POU6F2: variants seen among roughly 807,000 people sequenced by gnomAD.
The protein encoded by POU6F2 is POU class 6 homeobox 2.
In POU6F2, 31 loss-of-function variants were observed where a neutral mutation model predicts 71.3. The ratio of observed to expected loss-of-function variants is 0.43; its 90% CI spans 0.33 to 0.59. POU6F2 has a LOEUF of 0.59. Among genes scored for constraint, POU6F2 ranks in the 20% least tolerant of loss-of-function variants. The pLI is 0.04. For missense variants in POU6F2, 783 were observed against 856.8 expected, an observed-to-expected ratio of 0.91 and a Z score of 1.07; for synonymous variants, 347 against 355.7, an observed-to-expected ratio of 0.98 and a Z score of 0.27.
chr7:39,004,666 A>G (rs1789008417), intron 1 of POU6F2, among the ~76,000 whole-genome samples: 1 of 152,224 alleles, frequency 6.6e-6, no homozygotes, highest in African/African-American at 2.4e-5. Flanking sequence ...GAAAGTTGGT[A>G]CTTTATATAT....
At chr7:39,463,627 A>G (rs1788999449) in intron 9 of POU6F2, among the ~76,000 whole-genome samples, 2 of 152,202 alleles carry the variant, frequency 1.3e-5, no homozygotes, top group Non-Finnish European at 2.9e-5. Context: ...ATGAGACACA[A>G]AAGAGAGATA....
Position 39,320,339 on chromosome 7 carries a change from T to C in POU6F2, c.599-19303T>C, listed in dbSNP as rs183974698. ...ATGCCCTTCACCCGGACCTGTAGCC[T>C]GGTCCCCCGCAGATGCTGTCAGTCA... is the stretch of plus-strand genomic sequence containing the variant. On this transcript the variant is annotated intron_variant, in intron 4 of 9. Transcript: ENST00000518318. Among the ~76,000 whole-genome samples the C allele has an allele frequency of 4.0e-3, 609 of 152,298 alleles. 2 individuals carry two copies. The highest frequency in any genetic ancestry group is 0.013 in the African/African-American group (554 of 41,566).
chr7:39,344,343 A>G (rs931689253), intron 5 of POU6F2, among the ~76,000 whole-genome samples: 3 of 152,084 alleles, frequency 2.0e-5, no homozygotes, highest in African/African-American at 7.2e-5. Context: ...TGCATTTGCT[A>G]ATGGAAAGGT....
chr7:39,284,685 T>G (rs1784621069), intron 4 of POU6F2, among the ~76,000 whole-genome samples: 1 of 152,224 alleles, frequency 6.6e-6, no homozygotes, highest in Non-Finnish European at 1.5e-5. Context: ...TCAAATACTT[T>G]CTGTTTGGTA....
At chr7:39,075,147 C>A (rs930832889) in intron 1 of POU6F2, among the ~76,000 whole-genome samples, 1 of 152,132 alleles carries the variant, frequency 6.6e-6, no homozygotes, top group Non-Finnish European at 1.5e-5. Context: ...GGAGCTAGAC[C>A]AGGAAGCACC....
chr7:39,401,955 C>T (rs1013108761), intron 5 of POU6F2, among the ~76,000 whole-genome samples: 1 of 152,296 alleles, frequency 6.6e-6, no homozygotes, highest in Non-Finnish European at 1.5e-5. Context: ...AAGACATAAA[C>T]ATAGGAATAT....
chr7:39,212,522 C>T (rs1037856842), intron 4 of POU6F2, among the ~76,000 whole-genome samples: 1 of 152,118 alleles, frequency 6.6e-6, no homozygotes, highest in Admixed American at 6.6e-5. Context: ...TGTGCCCTCT[C>T]GTACCTTGCC....
At chr7:39,069,475 T>A (rs1469762822) in intron 1 of POU6F2, among the ~76,000 whole-genome samples, 1 of 152,170 alleles carries the variant, frequency 6.6e-6, no homozygotes, top group East Asian at 1.9e-4. Context: ...CACTGGGAAG[T>A]GACAGATTTT....
At chr7:39,022,150 T>A (rs552623837) in intron 1 of POU6F2, among the ~76,000 whole-genome samples, 10 of 152,228 alleles carry the variant, frequency 6.6e-5, no homozygotes, top group African/African-American at 2.2e-4. Flanking sequence ...TTCTCTTTTC[T>A]TTTATGATAT....
At chr7:39,416,093 TAC>T (rs57579748) in intron 6 of POU6F2, among the ~76,000 whole-genome samples, 19,784 of 138,970 alleles carry the variant, frequency 0.14, 1,789 homozygotes, top group African/African-American at 0.29. Flanking sequence ...CTCGAAGGCA[TAC>T]ACACACACAC....
At position 39,277,224 on chromosome 7, in the gene POU6F2, A is replaced by T. The variant is rs145811718; in HGVS notation, c.599-62418A>T. On this transcript the variant is annotated intron_variant, in intron 4 of 9. Coordinates refer to ENST00000518318, the MANE Select transcript of POU6F2 (RefSeq NM_001370959.1). ...AATCCTGTCACTAATAAATCAATAT[A>T]ATCAGAAAAACACATTTTTAAATTT... 3.7e-3 allele frequency among the ~76,000 whole-genome samples: 558 copies of T among 152,316 alleles called. 2 individuals are homozygous for T. The highest frequency in any genetic ancestry group is 0.013 in the African/African-American group (534 of 41,574).
intron 1 of POU6F2, among the ~76,000 whole-genome samples, chr7:39,033,298 T>G (rs144254913): frequency 1.3e-5 from 2 of 152,352 alleles, no homozygotes; most frequent in African/African-American, 4.8e-5. Context: ...GACATTTCCT[T>G]GTATCACATC....
chr7:39,372,002 A>G lies in POU6F2; in HGVS notation c.972+31987A>G, dbSNP rs146983895. On this transcript the variant is annotated intron_variant, in intron 5 of 9. Transcript: ENST00000518318. ...GCAATCATGGCTCACTTCAGCCTCC[A>G]AATTCTGGGCTCAAGCAATCCTCCT... Among the ~76,000 whole-genome samples, 681 of 152,210 alleles carry G rather than the reference A, an allele frequency of 4.5e-3. 3 individuals carry two copies. Among genetic ancestry groups the G allele is most frequent in the African/African-American group, 0.016 (644 of 41,522 alleles).
intron 4 of POU6F2, 135 bp downstream of exon 4, chr7:39,207,755 TC>T: frequency 2.5e-6 from 2 of 805,334 alleles, no homozygotes; most frequent in Non-Finnish European, 3.8e-6. Context: ...ATGGAAGGCT[TC>T]CACAGGAAGC....
chr7:39,096,388 CAA>C (rs1791454975), intron 2 of POU6F2, among the ~76,000 whole-genome samples: 1 of 152,108 alleles, frequency 6.6e-6, no homozygotes, highest in African/African-American at 2.4e-5. Flanking sequence ...CTTCAGACAT[CAA>C]AAGACAAGAT....
At chr7:39,112,917 A>T (rs1791849363) in intron 2 of POU6F2, among the ~76,000 whole-genome samples, 1 of 152,076 alleles carries the variant, frequency 6.6e-6, no homozygotes, top group African/African-American at 2.4e-5. Flanking sequence ...CTAATTAACT[A>T]TTCTTGATTT....
intron 1 of POU6F2, among the ~76,000 whole-genome samples, chr7:39,002,775 G>A (rs980405213): frequency 1.3e-5 from 2 of 152,220 alleles, no homozygotes; most frequent in Non-Finnish European, 2.9e-5. Context: ...TTTCCCCTCC[G>A]GGGAATTTTT....
chr7:39,112,616 GT>G (rs769929223), intron 2 of POU6F2, among the ~76,000 whole-genome samples: 37 of 148,790 alleles, frequency 2.5e-4, no homozygotes, highest in East Asian at 1.4e-3. Flanking sequence ...AGAATTGAGT[GT>G]TTTTTTTTTC....
At position 39,101,135 on chromosome 7, in the gene POU6F2, G is replaced by A. The variant is rs367717617; in HGVS notation, c.277+15104G>A. 2.8e-4 allele frequency among the ~76,000 whole-genome samples: 42 copies of A among 148,590 alleles called. No homozygotes were observed. The South Asian group carries it at 3.6e-3, about 13-fold the overall frequency. On this transcript the variant is annotated intron_variant, in intron 2 of 9. Transcript: ENST00000518318. ...GTCACCCAGGCTGGAGTGCAATGGC[G>A]CAACCTTGGTTCACTGCAGCCTCCA... is the stretch of plus-strand genomic sequence containing the variant.
Sources: gnomAD v4.1 joint callset for allele counts (sites outside exome capture counted in the v4.1 genomes callset) on GRCh38, gnomAD v4.1.1 for gene constraint, MANE v1.5 for transcripts, NCBI Gene and HGNC (gene_info 2026-07-23, HGNC 2026-07-21) for gene names.